HOXC5: variants seen among roughly 807,000 people sequenced by gnomAD.
HOXC5 encodes the protein homeobox C5.
In HOXC5, 19 loss-of-function variants were observed where a neutral mutation model predicts 20.1. The ratio of observed to expected loss-of-function variants is 0.94; its 90% CI spans 0.66 to 1.38. The LOEUF is 1.38. Among genes scored for constraint, HOXC5 ranks in the 40% most tolerant of loss-of-function variants. The probability of loss-of-function intolerance (pLI) is 0.00; values close to 1 mark genes in which losing one functional copy is unlikely to be tolerated. For synonymous variants in HOXC5, 124 were observed against 117.0 expected (o/e 1.06, Z -0.39); for missense variants, 330 against 300.1 (o/e 1.10, Z -0.74).
upstream of HOXC5, chr12:54,028,402 CTT>C (rs1389741855): frequency 1.7e-6 from 2 of 1,163,800 alleles, no homozygotes; most frequent in East Asian, 4.9e-5. Flanking sequence ...GGTCAGCTGA[CTT>C]TGTCATTTTG....
At chr12:54,017,946 C>G in the HOXC5 span, among the ~76,000 whole-genome samples, 11 of 152,192 alleles carry the variant, frequency 7.2e-5, no homozygotes, top group Non-Finnish European at 1.3e-4. Flanking sequence ...AGAGCTCACA[C>G]ATGCGCAGTG....
the HOXC5 span, among the ~76,000 whole-genome samples, chr12:54,024,267 C>G: frequency 6.6e-6 from 1 of 152,168 alleles, no homozygotes; most frequent in South Asian, 2.1e-4. Flanking sequence ...CGGGCAGCTG[C>G]GGTCGCGTCC....
At chr12:54,028,728 G>C, upstream of HOXC5, 1 of 1,614,130 alleles carries the variant, frequency 6.2e-7, no homozygotes, top group Non-Finnish European at 8.5e-7. Flanking sequence ...GCCGGGGGCC[G>C]TATGACTATG....
In HOXC5 at chr12:54,035,199, T is replaced by A. The variant is rs1040723953; in HGVS notation, c.*707T>A. 2.0e-5 allele frequency: 3 copies of A among 153,334 alleles called. No individual in the cohort carries two copies. Among genetic ancestry groups the A allele is most frequent in the African/African-American group, 7.2e-5 (3 of 41,468 alleles). 9.5% of individuals were successfully genotyped at this position (153,334 alleles called of 1,614,324 possible). ...CTCAACTAGTGGGGTTTCCTGGCAC[T>A]GGACCCCAGCAAGTGGTCCTAGAGG... On this transcript the variant is annotated 3_prime_UTR_variant, in exon 2 of 2. Coordinates refer to ENST00000312492, the MANE Select transcript of HOXC5 (RefSeq NM_018953.4).
chr12:54,017,489 T>C, the HOXC5 span: 14 of 151,676 alleles, frequency 9.2e-5, no homozygotes, highest in African/African-American at 3.4e-4. Context: ...AGCAGCGGCT[T>C]CTCTTGGTTA....
At chr12:54,020,689 C>G in the HOXC5 span, 1 of 151,404 alleles carries the variant, frequency 6.6e-6, no homozygotes. Context: ...TTAGTCCTCA[C>G]TAGATGAGAG....
the HOXC5 span, among the ~76,000 whole-genome samples, chr12:54,017,974 C>A: frequency 2.6e-5 from 4 of 152,322 alleles, 1 homozygote; most frequent in African/African-American, 7.2e-5. Flanking sequence ...AGGGCCGGGC[C>A]GCCGAGCAGG....
chr12:54,022,161 C>G, the HOXC5 span: 1 of 152,140 alleles, frequency 6.6e-6, no homozygotes, highest in Non-Finnish European at 1.5e-5. Flanking sequence ...AGCCCACCCC[C>G]ATCAACCCAG....
At chr12:54,031,373 G>A (rs575199036), upstream of HOXC5, among the ~76,000 whole-genome samples, 89 of 152,306 alleles carry the variant, frequency 5.8e-4, 2 homozygotes, top group South Asian at 0.016. Flanking sequence ...GGGATTGAGC[G>A]ATTCAAGGAC....
chr12:54,029,797 C>G (rs552181831), upstream of HOXC5: 5 of 1,613,998 alleles, frequency 3.1e-6, no homozygotes, highest in African/African-American at 5.3e-5. Context: ...TTTGCCTGAC[C>G]GAGCGACAGA....
upstream of HOXC5, among the ~76,000 whole-genome samples, chr12:54,029,420 C>CG (rs1391240893): frequency 7.1e-6 from 1 of 141,608 alleles, no homozygotes; most frequent in African/African-American, 2.6e-5. Context: ...CGCCCCCCCC[C>CG]CCACCACACA....
the HOXC5 span, among the ~76,000 whole-genome samples, chr12:54,026,108 C>A: frequency 3.9e-5 from 6 of 152,288 alleles, no homozygotes; most frequent in Non-Finnish European, 7.4e-5. Flanking sequence ...CTCTAGCAAT[C>A]TCTCTCTGAA....
the HOXC5 span, among the ~76,000 whole-genome samples, chr12:54,026,455 C>T: frequency 6.6e-6 from 1 of 152,202 alleles, no homozygotes; most frequent in Admixed American, 6.5e-5. Flanking sequence ...TGAGATAACT[C>T]ATCTAAAATT....
At chr12:54,027,889 T>G in the HOXC5 span, among the ~76,000 whole-genome samples, 1 of 152,154 alleles carries the variant, frequency 6.6e-6, no homozygotes, top group African/African-American at 2.4e-5. Flanking sequence ...TTATGAAATT[T>G]CTTTCTACTT....
intron 1 of HOXC5, chr12:54,034,032 C>T (rs1439407423): frequency 8.7e-6 from 6 of 685,986 alleles, no homozygotes; most frequent in Middle Eastern, 2.4e-4. Flanking sequence ...TCTCCCTCTT[C>T]CCCCCAACCC....
At chr12:54,034,140 TG>T in intron 1 of HOXC5, 137 bp from the exon 2 acceptor site, 2 of 851,596 alleles carry the variant, frequency 2.3e-6, no homozygotes, top group Non-Finnish European at 4.0e-6. Flanking sequence ...CTGGCCCGCC[TG>T]CGGCCCGCGT....
chr12:54,020,552 C>T, the HOXC5 span: 3 of 152,206 alleles, frequency 2.0e-5, no homozygotes, highest in Non-Finnish European at 4.4e-5. Context: ...TTATTATATA[C>T]AGGCTTAAAT....
chr12:54,033,176 C>T lies in HOXC5; in HGVS notation c.54C>T (p.Ala18=). The T allele has an allele frequency of 5.0e-6, 8 of 1,614,242 alleles. No homozygotes were observed. Among genetic ancestry groups the T allele is most frequent in the Non-Finnish European group, 6.8e-6 (8 of 1,180,050 alleles). ...ATAAGCAGAGCCCCAATATCCCTGC[C>T]TATAACATGCAAACTTGTGGGAACT... The part of the protein sequence containing the change: ...SFYKQSPNIP[A]YNMQTCGNYG... Residue 18 remains alanine, a synonymous_variant, in exon 1 of 2, where the codon GCC becomes GCT. Transcript: ENST00000312492.
chr12:54,034,015 G>T (rs759124434), intron 1 of HOXC5: 2 of 671,342 alleles, frequency 3.0e-6, no homozygotes, highest in East Asian at 3.0e-5. Context: ...TTCGGTCCGA[G>T]CCTGGGTCTC....
Sources: allele counts gnomAD v4.1 joint callset (sites outside exome capture counted in the v4.1 genomes callset), GRCh38; gene constraint gnomAD v4.1.1; transcripts MANE v1.5; gene names NCBI Gene and HGNC (gene_info 2026-07-23, HGNC 2026-07-21).